ZNF197: variants seen among roughly 807,000 people sequenced by gnomAD.
ZNF197 encodes zinc finger protein 197, also known as VHL-associated KRAB-A domain-containing protein.
Under a neutral mutation model 27.4 loss-of-function variants are expected in ZNF197, and 14 were observed. The ratio of observed to expected loss-of-function variants is 0.51; its 90% confidence interval spans 0.34 to 0.80. The LOEUF (loss-of-function observed/expected upper bound fraction) is 0.80, where lower values mean the gene tolerates loss of function less well. Among genes scored for constraint, ZNF197 ranks in the 30% least tolerant of loss-of-function variants. ZNF197 has a pLI of 0.02. For synonymous variants in ZNF197, 415 were observed against 420.0 expected (o/e 0.99, Z 0.15); for missense variants, 1,090 against 1,222.6 (o/e 0.89, Z 1.62).
In ZNF197 at chr3:44,645,842, T is replaced by C; in HGVS notation, c.*1622T>C. ...CCACTTGTGGGCAGTCAGTGCCCAT[T>C]ACCCCCTGTGAACCATTCTGTGCCC... is the stretch of plus-strand genomic sequence containing the variant. On this transcript the variant is annotated 3_prime_UTR_variant, in exon 6 of 6. Coordinates refer to ENST00000344387, the MANE Select transcript of ZNF197 (RefSeq NM_006991.5). 1.0e-6 allele frequency: 1 copy of C among 985,458 alleles called. No individual in the cohort carries two copies. Among genetic ancestry groups the C allele is most frequent in the East Asian group, 1.1e-4 (1 of 8,816 alleles). 61.0% of individuals were successfully genotyped at this position (985,458 alleles called of 1,614,324 possible).
rs961124185 is a variant in ZNF197, at chr3:44,647,111, T to C, written c.*2891T>C. The C allele has an allele frequency of 6.6e-6, 1 of 152,194 alleles. No individual in the cohort carries two copies. Among genetic ancestry groups the C allele is most frequent in the Non-Finnish European group, 1.5e-5 (1 of 68,028 alleles). 9.4% of individuals were successfully genotyped at this position (152,194 alleles called of 1,614,324 possible). On this transcript the variant is annotated 3_prime_UTR_variant, in exon 6 of 6. Transcript: ENST00000344387. ...ACAAGGGATTTGTATGTAAACTACATAAAGAACTTTCCAAATTTAACAGTA... is the reference window on the plus strand; with the variant it reads ...ACAAGGGATTTGTATGTAAACTACACAAAGAACTTTCCAAATTTAACAGTA...
chr3:44,629,097 A>C lies in ZNF197; in HGVS notation c.-58A>C, dbSNP rs923208003. ...AGATGATACTCTCCAAGCTGTAAGG[A>C]AGAAGTCAAGGATTAAGGAGACCTG... On this transcript the variant is annotated 5_prime_UTR_variant, in exon 2 of 6. Transcript: ENST00000344387. 1.2e-5 allele frequency: 18 copies of C among 1,536,344 alleles called. No individual in the cohort carries two copies. In the South Asian group the frequency reaches 2.4e-4, roughly 20 times the overall value.
chr3:44,635,593 C>T (rs1322713656), intron 5 of ZNF197, among the ~76,000 whole-genome samples: 1 of 152,166 alleles, frequency 6.6e-6, no homozygotes, highest in African/African-American at 2.4e-5. Flanking sequence ...ATAACTTGTA[C>T]ATACTACTTC....
chr3:44,636,080 G>A (rs1469217725), intron 5 of ZNF197, among the ~76,000 whole-genome samples: 3 of 152,116 alleles, frequency 2.0e-5, no homozygotes, highest in Admixed American at 1.3e-4. Flanking sequence ...CAAGGCAGGC[G>A]GATCACGAGG....
chr3:44,642,373 A>G lies in ZNF197; in HGVS notation c.1243A>G (p.Met415Val), dbSNP rs772593820. The G allele has an allele frequency of 1.2e-6, 2 of 1,614,142 alleles. No homozygotes were observed. Among genetic ancestry groups the G allele is most frequent in the South Asian group, 1.1e-5 (1 of 91,088 alleles). The change falls in exon 6 of 6, where the codon ATG becomes GTG. Residue 415 changes from methionine to valine, a missense_variant. Transcript: ENST00000344387. The stretch of plus-strand genomic sequence containing the variant: ...CTTTATTCAGCGTTCGAGCCTTCTA[A>G]TGCATTTACGGAACCATTCAGGGGA... ...KGFIQRSSLLMHLRNHSGEKP... is the reference protein window; with the variant it reads ...KGFIQRSSLLVHLRNHSGEKP...
At chr3:44,636,750 A>T (rs1412489826) in intron 5 of ZNF197, among the ~76,000 whole-genome samples, 1 of 152,202 alleles carries the variant, frequency 6.6e-6, no homozygotes, top group Non-Finnish European at 1.5e-5. Flanking sequence ...TCTTATGATA[A>T]CTCTGTATTT....
intron 3 of ZNF197, 100 bp from the exon 4 acceptor site, chr3:44,632,005 A>G: frequency 2.8e-6 from 3 of 1,088,504 alleles, no homozygotes; most frequent in Non-Finnish European, 2.8e-6. Context: ...CCTGCCTTGT[A>G]TCATTCTTAC....
rs1354350139 is a variant in ZNF197 at position 44,645,052 on chromosome 3, C to G, written c.*832C>G. ...CTGATGAGGACAACCTAAAAGAGCA[C>G]TGGATTTGGAATCAGAAGACCTACC... On this transcript the variant is annotated 3_prime_UTR_variant, in exon 6 of 6. Coordinates refer to ENST00000344387, the MANE Select transcript of ZNF197 (RefSeq NM_006991.5). 1 of 985,250 alleles carries G rather than the reference C, an allele frequency of 1.0e-6. No homozygotes were observed. The highest frequency in any genetic ancestry group is 1.7e-5 in the African/African-American group (1 of 57,210). 61.0% of individuals were successfully genotyped at this position (985,250 alleles called of 1,614,324 possible). A position where few individuals can be genotyped will look rare whatever the true frequency, so the allele number is the denominator to read the frequency against.
rs1367411469 is a variant in ZNF197, at chr3:44,641,887, T to C, written c.770-13T>C. ...GACGTGGTAACATTTGCATTTTTAA[T>C]TCCTTTTACCAGAATGGGAGACCAT... On this transcript the variant is annotated splice_polypyrimidine_tract_variant and intron_variant, in intron 5 of 5. Transcript: ENST00000344387. The C allele has an allele frequency of 2.6e-6, 4 of 1,558,834 alleles. No individual in the cohort carries two copies. Among genetic ancestry groups the C allele is most frequent in the East Asian group, 2.3e-5 (1 of 43,844 alleles).
At chr3:44,635,305 G>A (rs950322422) in intron 5 of ZNF197, among the ~76,000 whole-genome samples, 1 of 152,050 alleles carries the variant, frequency 6.6e-6, no homozygotes, top group African/African-American at 2.4e-5. Flanking sequence ...CGGGCAAGCA[G>A]ATGCCCAATG....
In ZNF197 at chr3:44,643,093, T is replaced by C. The variant is rs1267971078; in HGVS notation, c.1963T>C (p.Cys655Arg). The part of the protein sequence containing the change: ...NGEKPYECNE[C>R]GKVFILKKSL... ...GGAGAAGCCCTATGAATGTAATGAA[T>C]GTGGGAAAGTTTTTATTCTGAAGAA... The change falls in exon 6 of 6, where the codon TGT becomes CGT. Residue 655 changes from cysteine to arginine, a missense_variant. By Grantham distance (180) the Cys-to-Arg change is radical. Transcript: ENST00000344387. The C allele has an allele frequency of 6.2e-7, 1 of 1,613,896 alleles. No individual in the cohort carries two copies.
intron 1 of ZNF197, among the ~76,000 whole-genome samples, chr3:44,625,924 T>C (rs1222921534): frequency 6.6e-6 from 1 of 152,222 alleles, no homozygotes; most frequent in African/African-American, 2.4e-5. Flanking sequence ...CATAAGTTTC[T>C]TCGTAGATGG....
chr3:44,639,144 T>C (rs1257881776), intron 5 of ZNF197, among the ~76,000 whole-genome samples: 5 of 152,268 alleles, frequency 3.3e-5, no homozygotes, highest in African/African-American at 9.6e-5. Context: ...CCTAGTGTTA[T>C]ACCAACATTA....
intron 5 of ZNF197, among the ~76,000 whole-genome samples, chr3:44,637,160 G>C (rs1196567752): frequency 8.6e-5 from 13 of 152,038 alleles, no homozygotes; most frequent in Admixed American, 8.5e-4. Context: ...GTGGGGTCTT[G>C]CCCTGTTGCC....
rs1374740899 is a variant in ZNF197 at position 44,642,521 on chromosome 3, A to T, written c.1391A>T (p.Tyr464Phe). 6.2e-7 allele frequency: 1 copy of T among 1,613,946 alleles called. No homozygotes were observed. The highest frequency in any genetic ancestry group is 1.1e-5 in the South Asian group (1 of 91,068). Residue 464 changes from tyrosine (Y) to phenylalanine (F), a missense_variant, in exon 6 of 6, where the codon TAT (tyrosine) becomes TTT (phenylalanine). Physicochemically the swap from Tyr to Phe is conservative, Grantham distance 22. Transcript: ENST00000344387. The part of the protein sequence containing the change: ...YKCKECGKGF[Y>F]RHSGLIIHLR... ...TGTAAGGAGTGTGGAAAGGGCTTCT[A>T]TAGGCACTCAGGCCTAATTATACAT...
At chr3:44,641,274 T>G (rs1267149870) in intron 5 of ZNF197, among the ~76,000 whole-genome samples, 1 of 152,218 alleles carries the variant, frequency 6.6e-6, no homozygotes, top group East Asian at 1.9e-4. Context: ...TTAAGGGAGT[T>G]CATAACAGAC....
At chr3:44,630,655 A>G (rs559598649) in intron 2 of ZNF197, among the ~76,000 whole-genome samples, 1 of 152,342 alleles carries the variant, frequency 6.6e-6, no homozygotes, top group South Asian at 2.1e-4. Flanking sequence ...TGTTAGTTGT[A>G]TTTGAGCACA....
Position 44,645,483 on chromosome 3 carries a change from T to C in ZNF197, c.*1263T>C. The C allele has an allele frequency of 1.0e-6, 1 of 985,382 alleles. No homozygotes were observed. Among genetic ancestry groups the C allele is most frequent in the Non-Finnish European group, 1.2e-6 (1 of 829,922 alleles). 61.0% of individuals were successfully genotyped at this position (985,382 alleles called of 1,614,324 possible). On this transcript the variant is annotated 3_prime_UTR_variant, in exon 6 of 6. Coordinates refer to ENST00000344387, the MANE Select transcript of ZNF197 (RefSeq NM_006991.5). Reference sequence around the variant, plus strand: ...AGATTATATATCTAGTTTATGTATATGGAAAAAAATGTTATGGCCAGCCAT... The same window carrying C: ...AGATTATATATCTAGTTTATGTATACGGAAAAAAATGTTATGGCCAGCCAT...
At chr3:44,627,661 T>C (rs1228914625) in intron 1 of ZNF197, among the ~76,000 whole-genome samples, 1 of 151,734 alleles carries the variant, frequency 6.6e-6, no homozygotes, top group Non-Finnish European at 1.5e-5. Context: ...CGAAACCCCG[T>C]CTCTACCAAA....
Sources: gnomAD v4.1 joint callset for allele counts (sites outside exome capture counted in the v4.1 genomes callset) on GRCh38, gnomAD v4.1.1 for gene constraint, MANE v1.5 for transcripts, NCBI Gene and HGNC (gene_info 2026-07-23, HGNC 2026-07-21) for gene names.